SCHIP1: variants seen among roughly 807,000 people sequenced by gnomAD.
SCHIP1 encodes schwannomin-interacting protein 1.
A neutral mutation model predicts 29.7 loss-of-function variants in SCHIP1; 8 were observed. The ratio of observed to expected loss-of-function variants is 0.27; its 90% CI spans 0.16 to 0.49. The LOEUF (loss-of-function observed/expected upper bound fraction) is 0.49. Among genes scored for constraint, SCHIP1 ranks in the 20% least tolerant of loss-of-function variants. SCHIP1 has a pLI of 0.99. For synonymous variants in SCHIP1, 76 were observed against 94.9 expected, an observed-to-expected ratio of 0.80 and a Z score of 1.16; for missense variants, 193 against 294.6, an observed-to-expected ratio of 0.66 and a Z score of 2.52.
chr3:159,575,006 G>C, the SCHIP1 span, among the ~76,000 whole-genome samples: 4 of 152,138 alleles, frequency 2.6e-5, no homozygotes, highest in African/African-American at 7.2e-5. Context: ...CAGGTAGTCT[G>C]TCACGGCTTC....
Position 159,857,325 on chromosome 3 carries a change from A to G in SCHIP1, c.31-8838A>G, listed in dbSNP as rs531515142. Among the ~76,000 whole-genome samples, 6 of 152,146 alleles carry G rather than the reference A, an allele frequency of 3.9e-5. No individual in the cohort carries two copies. The South Asian group carries it at 8.3e-4, about 21-fold the overall frequency. On this transcript the variant is annotated intron_variant, in intron 1 of 6. Transcript: ENST00000445224. ...AACGTGCACACACATGTCCCCTTCC[A>G]TGTCATGGTCATCTTCTACAGCACT...
At chr3:159,548,309 T>C in the SCHIP1 span, among the ~76,000 whole-genome samples, 1 of 152,050 alleles carries the variant, frequency 6.6e-6, no homozygotes, top group East Asian at 1.9e-4. Flanking sequence ...TTATATACAT[T>C]TGTTATTTCT....
chr3:159,750,654 C>T, the SCHIP1 span, among the ~76,000 whole-genome samples: 3 of 152,118 alleles, frequency 2.0e-5, no homozygotes, highest in Admixed American at 2.0e-4. Flanking sequence ...CACAGCTAAA[C>T]ACTCACAGCA....
the SCHIP1 span, among the ~76,000 whole-genome samples, chr3:159,796,552 C>T: frequency 6.6e-6 from 1 of 152,202 alleles, no homozygotes; most frequent in African/African-American, 2.4e-5. Context: ...GCAATGACAT[C>T]TGCAGGTGAC....
chr3:159,623,053 T>C, the SCHIP1 span, among the ~76,000 whole-genome samples: 1 of 152,334 alleles, frequency 6.6e-6, no homozygotes, highest in East Asian at 1.9e-4. Flanking sequence ...ATACCTTCCA[T>C]TAGAAAAACA....
chr3:159,674,903 C>T, the SCHIP1 span, among the ~76,000 whole-genome samples: 1 of 152,192 alleles, frequency 6.6e-6, no homozygotes, highest in Admixed American at 6.5e-5. Context: ...ACAATGGCAG[C>T]AGTATCTACG....
chr3:159,308,709 A>C, the SCHIP1 span, among the ~76,000 whole-genome samples: 1 of 152,208 alleles, frequency 6.6e-6, no homozygotes, highest in East Asian at 1.9e-4. Context: ...AGACATATGC[A>C]CTTGTATGTT....
At chr3:159,321,723 TTTC>T in the SCHIP1 span, among the ~76,000 whole-genome samples, 1 of 152,138 alleles carries the variant, frequency 6.6e-6, no homozygotes, top group East Asian at 1.9e-4. Context: ...GGCTTTTAGT[TTTC>T]TTTTTAAATA....
At chr3:159,339,484 G>A in the SCHIP1 span, among the ~76,000 whole-genome samples, 2 of 152,214 alleles carry the variant, frequency 1.3e-5, no homozygotes, top group South Asian at 4.1e-4. Flanking sequence ...TAAGAAGTGG[G>A]AACAGAATGT....
At chr3:159,707,709 T>C in the SCHIP1 span, among the ~76,000 whole-genome samples, 1 of 152,222 alleles carries the variant, frequency 6.6e-6, no homozygotes, top group African/African-American at 2.4e-5. Flanking sequence ...AATTAAATAT[T>C]ACTCTTGCCT....
chr3:159,838,697 T>C (rs1320066478), upstream of SCHIP1, among the ~76,000 whole-genome samples: 2 of 151,924 alleles, frequency 1.3e-5, no homozygotes, highest in East Asian at 3.9e-4. Context: ...AAGACCATCC[T>C]GGCTAACACG....
At chr3:159,525,788 G>A in the SCHIP1 span, among the ~76,000 whole-genome samples, 8 of 152,330 alleles carry the variant, frequency 5.3e-5, no homozygotes, top group South Asian at 2.1e-4. Flanking sequence ...GGCAGGCCGA[G>A]GGGGAGGCAG....
intron 2 of SCHIP1, among the ~76,000 whole-genome samples, chr3:159,884,379 G>GTGTA (rs1275331685): frequency 4.0e-5 from 6 of 150,910 alleles, no homozygotes; most frequent in Non-Finnish European, 7.4e-5. Flanking sequence ...GTGTGTGTGT[G>GTGTA]TGTGTGTGTG....
chr3:159,838,521 A>AT (rs1226552823), upstream of SCHIP1, among the ~76,000 whole-genome samples: 2 of 152,174 alleles, frequency 1.3e-5, no homozygotes, highest in Non-Finnish European at 2.9e-5. Context: ...GTCCCTATTG[A>AT]TTTTTTTAAT....
chr3:159,285,852 G>T, the SCHIP1 span, among the ~76,000 whole-genome samples: 23 of 152,090 alleles, frequency 1.5e-4, no homozygotes, highest in Non-Finnish European at 2.9e-5. Context: ...GAGTACAATA[G>T]AAACCAGGAT....
chr3:159,683,709 G>C, the SCHIP1 span, among the ~76,000 whole-genome samples: 1 of 152,160 alleles, frequency 6.6e-6, no homozygotes, highest in African/African-American at 2.4e-5. Flanking sequence ...AGGACCATCA[G>C]GGCTACTATT....
the SCHIP1 span, among the ~76,000 whole-genome samples, chr3:159,364,244 C>T: frequency 0.014 from 2,120 of 152,072 alleles, 55 homozygotes; most frequent in African/African-American, 0.049. Context: ...TTCTAAATGG[C>T]CAATAAAAAT....
rs775664974 is a variant in SCHIP1 at position 159,896,782 on chromosome 3, C to CCTTCT, written c.*9_*10insTTCTC. 32 of 1,603,734 alleles carry CCTTCT rather than the reference C, an allele frequency of 2.0e-5. No individual in the cohort carries two copies. In the Admixed American group the frequency reaches 5.2e-4, roughly 26 times the overall value. ...AAAATGCCTGCAAAGTGAAAAGAAG[C>CCTTCT]CATTCAACCAGAGAACAAGCTAGAA... On this transcript the variant is annotated 3_prime_UTR_variant, in exon 7 of 7. Transcript: ENST00000445224.
intron 2 of SCHIP1, among the ~76,000 whole-genome samples, chr3:159,876,900 G>T (rs1715882038): frequency 6.6e-6 from 1 of 152,214 alleles, no homozygotes; most frequent in African/African-American, 2.4e-5. Flanking sequence ...CCATCTGCAA[G>T]GTTTGATGCT....
Sources: gnomAD v4.1 joint callset for allele counts (sites outside exome capture counted in the v4.1 genomes callset) on GRCh38, gnomAD v4.1.1 for gene constraint, MANE v1.5 for transcripts, NCBI Gene and HGNC (gene_info 2026-07-23, HGNC 2026-07-21) for gene names.